The following KCNJ3 variants were observed in gnomAD, a reference collection of about 807,000 sequenced individuals.
KCNJ3 encodes G protein-activated inward rectifier potassium channel 1.
KCNJ3 carries 4 observed loss-of-function variants against 39.2 expected under a neutral mutation model. The ratio of observed to expected loss-of-function variants is 0.10; its 90% CI spans 0.05 to 0.23. The LOEUF is 0.23. KCNJ3 is among the 10% of genes least tolerant of loss of function. The pLI, the probability that KCNJ3 is intolerant of heterozygous loss-of-function variation, is 1.00. For synonymous variants in KCNJ3, 230 were observed against 237.4 expected, an observed-to-expected ratio of 0.97 and a Z score of 0.29; for missense variants, 276 against 634.9, an observed-to-expected ratio of 0.43 and a Z score of 6.08.
chr2:154,714,701 TTATC>T (rs1451157826), intron 2 of KCNJ3, among the ~76,000 whole-genome samples: 3 of 152,352 alleles, frequency 2.0e-5, no homozygotes, highest in African/African-American at 7.2e-5. Flanking sequence ...GGTAGCTATT[TTATC>T]CCTGCCCCCT....
rs559592298 is a variant in KCNJ3 at position 154,856,057 on chromosome 2, T to C, written c.*744T>C. The C allele has an allele frequency of 1.6e-4, 25 of 152,696 alleles. No homozygotes were observed. In the East Asian group the frequency reaches 4.6e-3, roughly 28 times the overall value. 9.5% of individuals were successfully genotyped at this position (152,696 alleles called of 1,614,324 possible). A position where few individuals can be genotyped will look rare whatever the true frequency, so the allele number is the denominator to read the frequency against. On this transcript the variant is annotated 3_prime_UTR_variant, in exon 3 of 3. Coordinates refer to ENST00000295101, the MANE Select transcript of KCNJ3 (RefSeq NM_002239.4). The stretch of plus-strand genomic sequence containing the variant: ...GCCCTGCAAAAATATAACCATTACA[T>C]GTTTAAATTGTAAATTTTAGAGCAT...
rs182094226 is a variant in KCNJ3 at position 154,819,783 on chromosome 2, C to T, written c.920-34944C>T. On this transcript the variant is annotated intron_variant, in intron 2 of 2. Coordinates refer to ENST00000295101, the MANE Select transcript of KCNJ3 (RefSeq NM_002239.4). ...TGACCTCGTGATCTACCCACCTCAC[C>T]CTCCCAAAGTGCTGGGATTACAGGC... is the stretch of plus-strand genomic sequence containing the variant. 3.4e-3 allele frequency among the ~76,000 whole-genome samples: 523 copies of T among 152,098 alleles called. 2 individuals carry two copies. Among genetic ancestry groups the T allele is most frequent in the Middle Eastern group, 6.8e-3 (2 of 294 alleles).
intron 2 of KCNJ3, among the ~76,000 whole-genome samples, chr2:154,770,584 A>G (rs891752770): frequency 2.0e-4 from 30 of 152,050 alleles, no homozygotes; most frequent in Non-Finnish European, 3.4e-4. Flanking sequence ...AGTCTATTTC[A>G]TTTATTACAC....
chr2:154,844,595 G>A, intron 2 of KCNJ3, among the ~76,000 whole-genome samples: 1 of 152,160 alleles, frequency 6.6e-6, no homozygotes, highest in East Asian at 1.9e-4. Flanking sequence ...ATCTGTGGTG[G>A]GCTCCGCCCA....
At chr2:154,726,067 A>G (rs1234472049) in intron 2 of KCNJ3, among the ~76,000 whole-genome samples, 1 of 152,296 alleles carries the variant, frequency 6.6e-6, no homozygotes, top group African/African-American at 2.4e-5. Flanking sequence ...CTTCATGACC[A>G]CTATCCCAAA....
At chr2:154,820,823 G>A (rs1169657767) in intron 2 of KCNJ3, among the ~76,000 whole-genome samples, 5 of 152,070 alleles carry the variant, frequency 3.3e-5, no homozygotes, top group Non-Finnish European at 4.4e-5. Flanking sequence ...GAATTACTCT[G>A]TAAAAGAAAA....
chr2:154,817,556 T>C (rs1157675545), intron 2 of KCNJ3, among the ~76,000 whole-genome samples: 2 of 152,308 alleles, frequency 1.3e-5, no homozygotes, highest in East Asian at 3.9e-4. Context: ...AATTTTAGGA[T>C]TATGGAAATT....
At chr2:154,772,904 A>G (rs913260096) in intron 2 of KCNJ3, among the ~76,000 whole-genome samples, 1 of 151,942 alleles carries the variant, frequency 6.6e-6, no homozygotes, top group Non-Finnish European at 1.5e-5. Flanking sequence ...TTTTTTCCCA[A>G]AGTAATTTTA....
intron 2 of KCNJ3, among the ~76,000 whole-genome samples, chr2:154,733,286 T>TA (rs1685475350): frequency 6.6e-6 from 1 of 152,086 alleles, no homozygotes. Context: ...AATTTAAATT[T>TA]AAAAATCTTA....
intron 2 of KCNJ3, among the ~76,000 whole-genome samples, chr2:154,718,914 C>G (rs564957667): frequency 2.6e-5 from 4 of 151,926 alleles, no homozygotes; most frequent in African/African-American, 4.8e-5. Context: ...AGTCAGCAAG[C>G]CTTATGGATA....
chr2:154,841,064 G>A (rs1687566835), intron 2 of KCNJ3, among the ~76,000 whole-genome samples: 1 of 152,172 alleles, frequency 6.6e-6, no homozygotes, highest in African/African-American at 2.4e-5. Flanking sequence ...GATATTGGCT[G>A]TGGGTTTGTC....
In KCNJ3 at chr2:154,699,934, G is replaced by A. The variant is rs1302543227; in HGVS notation, c.702+457G>A. Among the ~76,000 whole-genome samples the A allele has an allele frequency of 6.6e-6, 1 of 151,984 alleles. No individual in the cohort carries two copies. The highest frequency in any genetic ancestry group is 1.9e-4 in the East Asian group (1 of 5,162). ...TGAACTTGCCTCAACTTTCACGATG[G>A]GCTTTTCTTATTTTTTTCTTTCCTT... On this transcript the variant is annotated intron_variant, in intron 1 of 2. Coordinates refer to ENST00000295101, the MANE Select transcript of KCNJ3 (RefSeq NM_002239.4). This position sits in a 1 kb window ranked among gnomAD's most constrained non-coding sequence, Gnocchi z 6.4.
chr2:154,800,597 G>A (rs1427146950), intron 2 of KCNJ3, among the ~76,000 whole-genome samples: 1 of 151,882 alleles, frequency 6.6e-6, no homozygotes, highest in East Asian at 1.9e-4. Flanking sequence ...TTTTAATTGA[G>A]CCTTAGTATT....
chr2:154,795,567 A>G (rs1345681963), intron 2 of KCNJ3, among the ~76,000 whole-genome samples: 1 of 152,050 alleles, frequency 6.6e-6, no homozygotes, highest in East Asian at 1.9e-4. Context: ...TTGTTTCCAC[A>G]TTTAATGGAA....
At chr2:154,714,468 T>C (rs1685150893) in intron 2 of KCNJ3, among the ~76,000 whole-genome samples, 1 of 152,192 alleles carries the variant, frequency 6.6e-6, no homozygotes, top group Non-Finnish European at 1.5e-5. Context: ...AGATATTTCC[T>C]TTCTTTTAGT....
intron 2 of KCNJ3, among the ~76,000 whole-genome samples, chr2:154,746,180 A>T (rs1685738657): frequency 6.6e-6 from 1 of 151,978 alleles, no homozygotes; most frequent in African/African-American, 2.4e-5. Flanking sequence ...CTTTCTCCAG[A>T]TTACTTTATT....
chr2:154,741,285 C>A (rs1195541477), intron 2 of KCNJ3, among the ~76,000 whole-genome samples: 1 of 151,914 alleles, frequency 6.6e-6, no homozygotes, highest in Non-Finnish European at 1.5e-5. Context: ...TGACCACAGA[C>A]CACATTCTGA....
intron 2 of KCNJ3, among the ~76,000 whole-genome samples, chr2:154,723,888 A>G (rs1019696501): frequency 1.3e-5 from 2 of 152,192 alleles, no homozygotes; most frequent in Non-Finnish European, 2.9e-5. Context: ...TATGAAGATA[A>G]ATTACAATTT....
At chr2:154,794,911 A>G (rs1346491543) in intron 2 of KCNJ3, among the ~76,000 whole-genome samples, 4 of 152,018 alleles carry the variant, frequency 2.6e-5, no homozygotes, top group Non-Finnish European at 4.4e-5. Flanking sequence ...GTGTTAACAA[A>G]GAAGAATTTT....
Sources: gnomAD v4.1 joint callset for allele counts (sites outside exome capture counted in the v4.1 genomes callset) on GRCh38, gnomAD v4.1.1 for gene constraint, Gnocchi (gnomAD v3.1) non-coding constraint, MANE v1.5 for transcripts, NCBI Gene and HGNC (gene_info 2026-07-23, HGNC 2026-07-21) for gene names.